Variants in SPMIP2 observed in about 807,000 individuals in gnomAD.
The protein encoded by SPMIP2 is protein SPMIP2.
At chr4:158,982,203 G>A in the SPMIP2 span, among the ~76,000 whole-genome samples, 1 of 152,124 alleles carries the variant, frequency 6.6e-6, no homozygotes, top group African/African-American at 2.4e-5. Context: ...CTCAATACAG[G>A]AGCACCCAGA....
the SPMIP2 span, among the ~76,000 whole-genome samples, chr4:159,031,804 G>A: frequency 1.3e-5 from 2 of 152,202 alleles, no homozygotes; most frequent in Non-Finnish European, 2.9e-5. Context: ...TGTTGAATAT[G>A]GGTGACAGGT....
chr4:159,003,284 T>C, the SPMIP2 span, among the ~76,000 whole-genome samples: 2 of 152,184 alleles, frequency 1.3e-5, no homozygotes, highest in South Asian at 4.1e-4. Context: ...CTGAACCCTA[T>C]TTCATAATAG....
the SPMIP2 span, among the ~76,000 whole-genome samples, chr4:158,911,072 C>G: frequency 6.6e-6 from 1 of 152,182 alleles, no homozygotes; most frequent in Non-Finnish European, 1.5e-5. Context: ...ACAGTACCAA[C>G]TTAAGAGTTA....
the SPMIP2 span, among the ~76,000 whole-genome samples, chr4:159,053,918 CA>C: frequency 1.7e-3 from 231 of 139,562 alleles, no homozygotes; most frequent in East Asian, 2.4e-3. Flanking sequence ...AAACTTGTCT[CA>C]AAAAAAAAAA....
chr4:159,052,046 C>T, the SPMIP2 span, among the ~76,000 whole-genome samples: 2 of 152,006 alleles, frequency 1.3e-5, no homozygotes, highest in African/African-American at 4.8e-5. Context: ...AACCAAATTT[C>T]CCTTGCCATC....
chr4:158,902,072 GT>G, the SPMIP2 span, among the ~76,000 whole-genome samples: 1 of 151,958 alleles, frequency 6.6e-6, no homozygotes, highest in Non-Finnish European at 1.5e-5. Context: ...GAGCATTCTG[GT>G]TTTTTGAATT....
chr4:158,996,791 G>A, the SPMIP2 span, among the ~76,000 whole-genome samples: 2 of 152,152 alleles, frequency 1.3e-5, no homozygotes, highest in African/African-American at 4.8e-5. Context: ...TGTTTAATCA[G>A]CAGGGAAGCC....
the SPMIP2 span, among the ~76,000 whole-genome samples, chr4:158,962,753 G>C: frequency 5.9e-5 from 9 of 152,120 alleles, no homozygotes; most frequent in African/African-American, 2.2e-4. Flanking sequence ...TGCATGAATG[G>C]AGCATTTGAA....
At chr4:158,964,056 G>A in the SPMIP2 span, among the ~76,000 whole-genome samples, 341 of 152,194 alleles carry the variant, frequency 2.2e-3, 2 homozygotes, top group African/African-American at 7.7e-3. Flanking sequence ...TCGAGAGGCT[G>A]GGGCAGGAGA....
the SPMIP2 span, among the ~76,000 whole-genome samples, chr4:159,010,011 A>G: frequency 6.6e-6 from 1 of 152,086 alleles, no homozygotes. Context: ...AAAAACAAAA[A>G]CAAAAAACAA....
the SPMIP2 span, among the ~76,000 whole-genome samples, chr4:158,976,240 T>A: frequency 6.6e-6 from 1 of 152,192 alleles, no homozygotes; most frequent in Non-Finnish European, 1.5e-5. Flanking sequence ...CAAAGAGAGA[T>A]AATTTGACTT....
chr4:158,924,309 T>G, the SPMIP2 span, among the ~76,000 whole-genome samples: 2 of 152,216 alleles, frequency 1.3e-5, no homozygotes, highest in African/African-American at 4.8e-5. Context: ...TTTTTCATCA[T>G]GAAAAAGGGT....
At chr4:159,037,783 T>TACACACACAC in the SPMIP2 span, among the ~76,000 whole-genome samples, 5 of 97,694 alleles carry the variant, frequency 5.1e-5, no homozygotes, top group African/African-American at 1.8e-4. Context: ...AAAAACAATA[T>TACACACACAC]ATACACACAC....
chr4:159,075,128 T>C, the SPMIP2 span, among the ~76,000 whole-genome samples: 3 of 152,192 alleles, frequency 2.0e-5, no homozygotes, highest in African/African-American at 7.2e-5. Flanking sequence ...ACAGAGTCCA[T>C]TGATGTAGTC....
chr4:159,053,831 G>A, the SPMIP2 span, among the ~76,000 whole-genome samples: 2 of 151,314 alleles, frequency 1.3e-5, no homozygotes, highest in East Asian at 3.9e-4. Context: ...GTTCATACCT[G>A]TAATCTCAGC....
At chr4:158,920,698 T>C in the SPMIP2 span, among the ~76,000 whole-genome samples, 1 of 152,252 alleles carries the variant, frequency 6.6e-6, no homozygotes, top group South Asian at 2.1e-4. Context: ...AGACAATACA[T>C]GCACCACTGA....
At chr4:158,961,234 C>T in the SPMIP2 span, among the ~76,000 whole-genome samples, 9 of 152,022 alleles carry the variant, frequency 5.9e-5, no homozygotes, top group African/African-American at 2.2e-4. Context: ...AATGATGTTA[C>T]TTAGTACTTT....
chr4:158,910,094 T>G, the SPMIP2 span, among the ~76,000 whole-genome samples: 1 of 152,072 alleles, frequency 6.6e-6, no homozygotes, highest in African/African-American at 2.4e-5. Flanking sequence ...TTGCCCAGGC[T>G]GGTCTTGAAC....
At chr4:158,948,132 A>G in the SPMIP2 span, among the ~76,000 whole-genome samples, 1 of 152,116 alleles carries the variant, frequency 6.6e-6, no homozygotes, top group South Asian at 2.1e-4. Flanking sequence ...TCTGAATTGA[A>G]AGTTCCCTAG....
Sources: gnomAD v4.1 joint callset for allele counts (sites outside exome capture counted in the v4.1 genomes callset) on GRCh38, gnomAD v4.1.1 for gene constraint, MANE v1.5 for transcripts, NCBI Gene and HGNC (gene_info 2026-07-23, HGNC 2026-07-21) for gene names.